GCSH: variants seen among roughly 807,000 people sequenced by gnomAD.
The protein encoded by GCSH is glycine cleavage system H protein, mitochondrial.
A neutral mutation model predicts 21.3 loss-of-function variants in GCSH; 15 were observed. That is an observed-to-expected ratio of 0.70 (90% CI 0.47 to 1.08). GCSH has a LOEUF of 1.08. GCSH is among the 50% of genes least tolerant of loss of function. The pLI, the probability that GCSH is intolerant of heterozygous loss-of-function variation, is 0.00. For missense variants in GCSH, 179 were observed against 217.5 expected (o/e 0.82, Z 1.11); for synonymous variants, 59 against 84.5 (o/e 0.70, Z 1.66).
chr16:81,087,697 A>C lies in GCSH; in HGVS notation c.229-33T>G, dbSNP rs760194182. 2.0e-6 allele frequency: 3 copies of C among 1,474,262 alleles called. No homozygotes were observed. The South Asian group carries it at 3.4e-5, about 17-fold the overall frequency. The allele number at this position is 1,474,262 out of a possible 1,614,324, so 91.3% of individuals were successfully genotyped here. On this transcript the variant is annotated intron_variant, in intron 2 of 4. Coordinates refer to ENST00000315467, the MANE Select transcript of GCSH (RefSeq NM_004483.5). ...AAACAAGACAAAACCAAAAATCTCTAAGAAGTTATAACTAAACCCTCCAGT... is the reference window on the plus strand; with the variant it reads ...AAACAAGACAAAACCAAAAATCTCTCAGAAGTTATAACTAAACCCTCCAGT...
At position 81,087,614 on chromosome 16, in the gene GCSH, T is replaced by C; in HGVS notation, c.279A>G (p.Lys93=). The change falls in exon 3 of 5, where the codon AAA becomes AAG. Residue 93 remains lysine (K), a synonymous_variant. Transcript: ENST00000315467. Reference sequence around the variant, plus strand: ...AAGAACACTCACCTTGTTTGTTCAATTTTGTCCCAACTTCAGGGAGACTAC... The same window carrying C: ...AAGAACACTCACCTTGTTTGTTCAACTTTGTCCCAACTTCAGGGAGACTAC... ...VYCSLPEVGT[K]LNKQDEFGAL... The C allele has an allele frequency of 1.2e-6, 2 of 1,609,828 alleles. No homozygotes were observed. Among genetic ancestry groups the C allele is most frequent in the East Asian group, 2.2e-5 (1 of 44,846 alleles).
At chr16:81,088,896 AC>A (rs1972336962) in intron 2 of GCSH, among the ~76,000 whole-genome samples, 1 of 152,058 alleles carries the variant, frequency 6.6e-6, no homozygotes, top group Non-Finnish European at 1.5e-5. Flanking sequence ...GTGAATTACA[AC>A]CCCACCGTTC....
At position 81,093,698 on chromosome 16, in the gene GCSH, G is replaced by A. The variant is rs150473352; in HGVS notation, c.148+2433C>T. 2.3e-3 allele frequency among the ~76,000 whole-genome samples: 347 copies of A among 151,908 alleles called. 1 individual carries two copies. The highest frequency in any genetic ancestry group is 7.8e-3 in the African/African-American group (325 of 41,442). ...TCTACTAAAATACAAAAAATTGGCCGGGTATGGTGGCGGGCACCTATAATC... is the reference window on the plus strand; with the variant it reads ...TCTACTAAAATACAAAAAATTGGCCAGGTATGGTGGCGGGCACCTATAATC... On this transcript the variant is annotated intron_variant, in intron 1 of 4. Transcript: ENST00000315467.
At position 81,084,682 on chromosome 16, in the gene GCSH, T is replaced by C. The variant is rs187773009; in HGVS notation, c.293-88A>G. ...AATACGAAAAAGTAGATTCCTGTCATACAGCTATGATTTTAAAATTCCAAA... is the reference window on the plus strand; with the variant it reads ...AATACGAAAAAGTAGATTCCTGTCACACAGCTATGATTTTAAAATTCCAAA... On this transcript the variant is annotated intron_variant, in intron 3 of 4. Coordinates refer to ENST00000315467, the MANE Select transcript of GCSH (RefSeq NM_004483.5). 341 of 934,776 alleles carry C rather than the reference T, an allele frequency of 3.6e-4. 2 individuals carry two copies. The African/African-American group carries it at 5.5e-3, about 15-fold the overall frequency. The allele number at this position is 934,776 out of a possible 1,614,324, so 57.9% of individuals were successfully genotyped here.
chr16:81,085,897 C>T (rs1418260387), intron 3 of GCSH, among the ~76,000 whole-genome samples: 51 of 232 alleles, frequency 0.22, 3 homozygotes, highest in African/African-American at 0.22. Context: ...TGGCTCACGC[C>T]TGTAATCCCA....
At position 81,090,408 on chromosome 16, in the gene GCSH, G is replaced by C. The variant is rs111699484; in HGVS notation, c.228+193C>G. On this transcript the variant is annotated intron_variant, in intron 2 of 4. Coordinates refer to ENST00000315467, the MANE Select transcript of GCSH (RefSeq NM_004483.5). ...ATTTTTTTTTTTAACTTTTGGTAGAGACGGGGTCTCACTTTGTTGACCAGG... is the reference window on the plus strand; with the variant it reads ...ATTTTTTTTTTTAACTTTTGGTAGACACGGGGTCTCACTTTGTTGACCAGG... Among the ~76,000 whole-genome samples, 5,279 of 151,908 alleles carry C rather than the reference G, an allele frequency of 0.035. 245 individuals carry two copies. Among genetic ancestry groups the C allele is most frequent in the African/African-American group, 0.11 (4,711 of 41,388 alleles).
At position 81,082,044 on chromosome 16, in the gene GCSH, C is replaced by T. The variant is rs1230094914; in HGVS notation, c.*822G>A. The T allele has an allele frequency of 2.2e-6, 1 of 454,120 alleles. No individual in the cohort carries two copies. The highest frequency in any genetic ancestry group is 1.6e-5 in the South Asian group (1 of 64,482). The allele number at this position is 454,120 out of a possible 1,614,324, so 28.1% of individuals were successfully genotyped here. ...CAACTTAAAAACACCATGTGCTATACTGATCAAAACTTCCACCTTCCTCTG... is the reference window on the plus strand; with the variant it reads ...CAACTTAAAAACACCATGTGCTATATTGATCAAAACTTCCACCTTCCTCTG... On this transcript the variant is annotated 3_prime_UTR_variant, in exon 5 of 5. Transcript: ENST00000315467.
At chr16:81,089,969 T>C (rs28709530) in intron 2 of GCSH, among the ~76,000 whole-genome samples, 5,305 of 152,322 alleles carry the variant, frequency 0.035, 247 homozygotes, top group African/African-American at 0.11. Context: ...CATTTCCTTC[T>C]TGAATAGGAC....
chr16:81,084,698 A>G, intron 3 of GCSH, 104 bp from the exon 4 acceptor site: 1 of 833,624 alleles, frequency 1.2e-6, no homozygotes, highest in Non-Finnish European at 1.9e-6. Context: ...TATGATTTTA[A>G]AATTCCAAAT....
chr16:81,095,016 C>G (rs1007759329), intron 1 of GCSH, among the ~76,000 whole-genome samples: 1 of 151,580 alleles, frequency 6.6e-6, no homozygotes, highest in African/African-American at 2.4e-5. Flanking sequence ...TCGCTTGAAT[C>G]TGGGAGGTGG....
chr16:81,095,107 A>C (rs956349900), intron 1 of GCSH, among the ~76,000 whole-genome samples: 4 of 152,160 alleles, frequency 2.6e-5, no homozygotes, highest in Admixed American at 2.0e-4. Flanking sequence ...AAAAGAAAAA[A>C]AAAAAAAAAG....
At chr16:81,086,739 G>A (rs1168564758) in intron 3 of GCSH, among the ~76,000 whole-genome samples, 2 of 123,526 alleles carry the variant, frequency 1.6e-5, no homozygotes, top group Admixed American at 8.8e-5. Context: ...AAATTTAATC[G>A]AAAAAAAATT....
chr16:81,094,972 G>C (rs1318603147), intron 1 of GCSH, among the ~76,000 whole-genome samples: 1 of 151,840 alleles, frequency 6.6e-6, no homozygotes, highest in East Asian at 1.9e-4. Context: ...GGGCGCCAGT[G>C]AACCCAGCTA....
intron 1 of GCSH, among the ~76,000 whole-genome samples, chr16:81,091,564 T>A (rs1156262096): frequency 6.6e-6 from 1 of 152,204 alleles, no homozygotes. Flanking sequence ...AAAAAGCATA[T>A]GCTATATTAA....
chr16:81,088,830 CCTTG>C (rs1972335677), intron 2 of GCSH, among the ~76,000 whole-genome samples: 1 of 152,182 alleles, frequency 6.6e-6, no homozygotes, highest in Non-Finnish European at 1.5e-5. Flanking sequence ...AGTCCTCACA[CCTTG>C]TACTCCCTGA....
At chr16:81,092,285 G>C (rs1323173907) in intron 1 of GCSH, among the ~76,000 whole-genome samples, 1 of 151,584 alleles carries the variant, frequency 6.6e-6, no homozygotes, top group Non-Finnish European at 1.5e-5. Flanking sequence ...GAACATACTA[G>C]AGATCATCTG....
chr16:81,088,957 C>G (rs949267308), intron 2 of GCSH, among the ~76,000 whole-genome samples: 7 of 152,134 alleles, frequency 4.6e-5, no homozygotes, highest in African/African-American at 1.7e-4. Flanking sequence ...GGTAATTCCC[C>G]TCACAAATAA....
At chr16:81,090,824 A>C in intron 1 of GCSH, 144 bp from the exon 2 acceptor site, 1 of 708,722 alleles carries the variant, frequency 1.4e-6, no homozygotes, top group Non-Finnish European at 2.6e-6. Context: ...GGCTCAGGAA[A>C]GAATGAAGAT....
intron 1 of GCSH, among the ~76,000 whole-genome samples, chr16:81,094,908 C>G (rs1027409858): frequency 6.6e-6 from 1 of 151,998 alleles, no homozygotes; most frequent in Non-Finnish European, 1.5e-5. Flanking sequence ...ACCAGCCTAA[C>G]GTGGCGAAAC....
Sources: gnomAD v4.1 joint callset for allele counts (sites outside exome capture counted in the v4.1 genomes callset) on GRCh38, gnomAD v4.1.1 for gene constraint, MANE v1.5 for transcripts, NCBI Gene and HGNC (gene_info 2026-07-23, HGNC 2026-07-21) for gene names.